CST3: variants seen among roughly 807,000 people sequenced by gnomAD.
The protein encoded by CST3 is cystatin-C.
In CST3, 14 loss-of-function variants were observed where a neutral mutation model predicts 9.0. The ratio of observed to expected loss-of-function variants is 1.56; its 90% CI spans 1.03 to 2.44. CST3 has a LOEUF of 2.44. CST3 is among the 30% of genes most tolerant of loss of function. CST3 has a pLI of 0.00. For synonymous variants in CST3, 96 were observed against 90.2 expected (o/e 1.06, Z -0.37); for missense variants, 237 against 204.3 (o/e 1.16, Z -0.98).
chr20:23,633,972 C>A lies in CST3; in HGVS notation c.385G>T (p.Ala129Ser). The A allele has an allele frequency of 6.2e-7, 1 of 1,613,996 alleles. No individual in the cohort carries two copies. The highest frequency in any genetic ancestry group is 1.1e-5 in the South Asian group (1 of 91,080). The change falls in exon 3 of 3, where the codon GCT becomes TCT. Residue 129 changes from alanine to serine, a missense_variant. Coordinates refer to ENST00000376925, the MANE Select transcript of CST3 (RefSeq NM_000099.4). ...GTCATTGTGCCCTGCCAAGGCACAGCGTAGATCTGGAAAGAGCAGAATGCT... is the reference window on the plus strand; with the variant it reads ...GTCATTGTGCCCTGCCAAGGCACAGAGTAGATCTGGAAAGAGCAGAATGCT... ...RKAFCSFQIY[A>S]VPWQGTMTLS... is the part of the protein sequence containing the mutation.
downstream of CST3, chr20:23,632,196 GC>G (rs1979474024): frequency 6.6e-6 from 1 of 152,328 alleles, no homozygotes; most frequent in African/African-American, 2.4e-5. Flanking sequence ...TGCACAGCCC[GC>G]CCCCAACCTC....
downstream of CST3, chr20:23,629,382 TGG>T (rs1383262539): frequency 2.0e-5 from 3 of 152,250 alleles, no homozygotes; most frequent in African/African-American, 7.2e-5. Flanking sequence ...ACAGAGCCTG[TGG>T]GGTAAACACT....
chr20:23,632,475 C>A (rs750601496), downstream of CST3, among the ~76,000 whole-genome samples: 1 of 151,990 alleles, frequency 6.6e-6, no homozygotes, highest in Non-Finnish European at 1.5e-5. Context: ...TCATGGCATC[C>A]TAGGGGGTGC....
At chr20:23,634,151 G>C in intron 2 of CST3, 152 bp from the exon 3 acceptor site, 2 of 721,648 alleles carry the variant, frequency 2.8e-6, no homozygotes, top group Non-Finnish European at 5.0e-6. Context: ...TGATCCCAGA[G>C]CACCGCTGGA....
rs1979551990 is a variant in CST3, at chr20:23,633,958, C to G, written c.399G>C (p.Gln133His). 6.2e-7 allele frequency: 1 copy of G among 1,614,036 alleles called. No homozygotes were observed. The highest frequency in any genetic ancestry group is 1.3e-5 in the African/African-American group (1 of 74,930). Residue 133 changes from glutamine to histidine, a missense_variant, in exon 3 of 3, where the codon CAG becomes CAC. Gln to His is a conservative substitution (Grantham distance 24). Transcript: ENST00000376925. ...CSFQIYAVPW[Q>H]GTMTLSKSTC... ...TGGATTTCGACAAGGTCATTGTGCC[C>G]TGCCAAGGCACAGCGTAGATCTGGA...
intron 1 of CST3, 127 bp downstream of exon 1, chr20:23,637,493 A>T (rs1979725294): frequency 1.0e-6 from 1 of 953,364 alleles, no homozygotes; most frequent in Non-Finnish European, 1.4e-6. Context: ...GACAGCGAAG[A>T]CCGGGAACAG....
In CST3 at chr20:23,637,791, C is replaced by T. The variant is rs368080734; in HGVS notation, c.72G>A (p.Ala24=). ...ILAVALAVSP[A]AGSSPGKPPR... ...GCGGCTTGCCGGGACTGGAGCCGGC[C>T]GCGGGGCTCACGGCCAGGGCCACGG... Residue 24 remains alanine (A), a synonymous_variant, in exon 1 of 3, where the codon GCG becomes GCA. Transcript: ENST00000376925. 6.6e-6 allele frequency: 10 copies of T among 1,517,904 alleles called. No homozygotes were observed. Among genetic ancestry groups the T allele is most frequent in the South Asian group, 2.5e-5 (2 of 81,256 alleles). 94.0% of individuals were successfully genotyped at this position (1,517,904 alleles called of 1,614,324 possible). A position where few individuals can be genotyped will look rare whatever the true frequency, so the allele number is the denominator to read the frequency against.
At chr20:23,628,293 A>G (rs925853494) in exon 4 of CST3, 2 of 152,246 alleles carry the variant, frequency 1.3e-5, no homozygotes, top group African/African-American at 4.8e-5. Flanking sequence ...ACCACAGCTT[A>G]ACGATGAGCC....
downstream of CST3, among the ~76,000 whole-genome samples, chr20:23,629,736 G>C (rs1979380761): frequency 1.1e-5 from 1 of 94,156 alleles, no homozygotes; most frequent in Admixed American, 8.9e-5. Flanking sequence ...GTGACTGGTG[G>C]GGGGGGGAGG....
At chr20:23,636,430 T>C (rs562180567) in intron 1 of CST3, among the ~76,000 whole-genome samples, 37 of 152,164 alleles carry the variant, frequency 2.4e-4, no homozygotes, top group Non-Finnish European at 4.6e-4. Flanking sequence ...TAACTCTGCA[T>C]CAGCTGATAG....
Position 23,637,839 on chromosome 20 carries a change from C to A in CST3, c.24G>T (p.Pro8=). The A allele has an allele frequency of 6.9e-7, 1 of 1,447,010 alleles. No homozygotes were observed. The highest frequency in any genetic ancestry group is 1.5e-5 in the South Asian group (1 of 68,440). The allele number at this position is 1,447,010 out of a possible 1,614,324, so 89.6% of individuals were successfully genotyped here. Residue 8 remains proline (P), a synonymous_variant, in exon 1 of 3, where the codon CCG becomes CCT. Coordinates refer to ENST00000376925, the MANE Select transcript of CST3 (RefSeq NM_000099.4). Reference sequence around the variant, plus strand: ...CGGCCAGGATGGCCAGCAGGAGCAGCGGGGCGCGCAGGGGCCCGGCCATGG... The same window carrying A: ...CGGCCAGGATGGCCAGCAGGAGCAGAGGGGCGCGCAGGGGCCCGGCCATGG... MAGPLRA[P]LLLLAILAVA... is the part of the protein sequence containing the mutation.
rs575424060 is a variant in CST3, at chr20:23,636,909, T to C, written c.243+711A>G. Reference sequence around the variant, plus strand: ...AGATCATGAATGTGTCAGTGCTGATTTTCAAAATGGAATAGTGATTATGTG... The same window carrying C: ...AGATCATGAATGTGTCAGTGCTGATCTTCAAAATGGAATAGTGATTATGTG... On this transcript the variant is annotated intron_variant, in intron 1 of 2. Coordinates refer to ENST00000376925, the MANE Select transcript of CST3 (RefSeq NM_000099.4). Among the ~76,000 whole-genome samples the C allele has an allele frequency of 5.3e-5, 8 of 152,352 alleles. No homozygotes were observed. The South Asian group carries it at 6.2e-4, about 12-fold the overall frequency.
intron 1 of CST3, 143 bp from the exon 2 acceptor site, chr20:23,635,510 A>T: frequency 2.7e-6 from 2 of 733,260 alleles, no homozygotes; most frequent in Non-Finnish European, 4.7e-6. Flanking sequence ...GTCACCTGCA[A>T]GGCACACAAG....
chr20:23,637,511 G>A (rs1979727095), intron 1 of CST3, 109 bp downstream of exon 1: 4 of 1,115,448 alleles, frequency 3.6e-6, no homozygotes, highest in South Asian at 3.7e-5. Context: ...CAGGGTCCGG[G>A]TGAGAAGCCC....
At chr20:23,632,679 A>G (rs924788302), downstream of CST3, among the ~76,000 whole-genome samples, 1 of 152,174 alleles carries the variant, frequency 6.6e-6, no homozygotes, top group Non-Finnish European at 1.5e-5. Context: ...GCAGCAGCCA[A>G]AAGAGGGGGT....
intron 1 of CST3, among the ~76,000 whole-genome samples, chr20:23,636,387 C>T (rs1441061952): frequency 2.0e-5 from 3 of 152,182 alleles, no homozygotes; most frequent in East Asian, 1.9e-4. Context: ...CCCCCTACTC[C>T]GGTCTGCTGG....
downstream of CST3, among the ~76,000 whole-genome samples, chr20:23,631,413 T>G (rs1198143474): frequency 6.6e-6 from 1 of 152,186 alleles, no homozygotes; most frequent in East Asian, 1.9e-4. Context: ...CTTCTGAAGC[T>G]CCTATACCTT....
At position 23,633,816 on chromosome 20, in the gene CST3, A is replaced by C; in HGVS notation, c.*100T>G. 9.9e-7 allele frequency: 1 copy of C among 1,007,276 alleles called. No individual in the cohort carries two copies. 62.4% of individuals were successfully genotyped at this position (1,007,276 alleles called of 1,614,324 possible). A position where few individuals can be genotyped will look rare whatever the true frequency, so the allele number is the denominator to read the frequency against. ...TCTCCTGGTGCAGGCACATGGGGAG[A>C]CCTTCCCCAAGGCAGGGGCCACCAG... On this transcript the variant is annotated 3_prime_UTR_variant, in exon 3 of 3. Coordinates refer to ENST00000376925, the MANE Select transcript of CST3 (RefSeq NM_000099.4).
At chr20:23,633,182 G>T (rs1249580358), downstream of CST3, among the ~76,000 whole-genome samples, 2 of 152,156 alleles carry the variant, frequency 1.3e-5, no homozygotes, top group Non-Finnish European at 2.9e-5. Context: ...AAGTCTCTTG[G>T]AAAGAAGCAC....
Sources: gnomAD v4.1 joint callset for allele counts (sites outside exome capture counted in the v4.1 genomes callset) on GRCh38, gnomAD v4.1.1 for gene constraint, MANE v1.5 for transcripts, NCBI Gene and HGNC (gene_info 2026-07-23, HGNC 2026-07-21) for gene names.